Variants in CACHD1 observed in about 807,000 individuals in gnomAD.
The protein encoded by CACHD1 is cache domain containing 1, also known as VWFA and cache domain-containing protein 1.
CACHD1 carries 71 observed loss-of-function variants against 138.7 expected under a neutral mutation model. The observed-to-expected ratio is 0.51, with a 90% confidence interval of 0.42 to 0.62. The LOEUF (loss-of-function observed/expected upper bound fraction) is 0.62. Among genes scored for constraint, CACHD1 ranks in the 20% least tolerant of loss-of-function variants. CACHD1 has a pLI of 0.00. For missense variants in CACHD1, 1,389 were observed against 1,625.3 expected (o/e 0.85, Z 2.50); for synonymous variants, 578 against 591.5 (o/e 0.98, Z 0.33).
intron 1 of CACHD1, among the ~76,000 whole-genome samples, chr1:64,522,159 T>C (rs916516684): frequency 2.6e-5 from 4 of 152,178 alleles, no homozygotes; most frequent in African/African-American, 9.7e-5. Context: ...AACTTTATTC[T>C]TTTACATGTG....
intron 1 of CACHD1, among the ~76,000 whole-genome samples, chr1:64,494,357 G>A (rs1323672467): frequency 6.6e-6 from 1 of 152,120 alleles, no homozygotes; most frequent in East Asian, 1.9e-4. Flanking sequence ...TCCCTCCCCT[G>A]TTTTCTCTTA....
At chr1:64,510,317 A>C (rs927546359) in intron 1 of CACHD1, among the ~76,000 whole-genome samples, 1 of 152,152 alleles carries the variant, frequency 6.6e-6, no homozygotes, top group African/African-American at 2.4e-5. Flanking sequence ...CTAGGAGCCA[A>C]TGGGAGCTAC....
rs554801217 is a variant in CACHD1, at chr1:64,543,193, T to C, written c.199-7401T>C. Reference sequence around the variant, plus strand: ...TCTATTTTTCTTTTTAGTGGTAACCTTTTCCATACTCTTGGCAAACTATTT... The same window carrying C: ...TCTATTTTTCTTTTTAGTGGTAACCCTTTCCATACTCTTGGCAAACTATTT... On this transcript the variant is annotated intron_variant, in intron 1 of 26. Transcript: ENST00000651257. Among the ~76,000 whole-genome samples the C allele has an allele frequency of 4.6e-5, 7 of 151,830 alleles. No individual in the cohort carries two copies. In the East Asian group the frequency reaches 9.6e-4, roughly 21 times the overall value.
At chr1:64,533,176 T>TG (rs992044216) in intron 1 of CACHD1, among the ~76,000 whole-genome samples, 1 of 152,092 alleles carries the variant, frequency 6.6e-6, no homozygotes, top group African/African-American at 2.4e-5. Flanking sequence ...GTCAACATGG[T>TG]GAAACCCCGT....
At chr1:64,689,022 G>A (rs1045913474) in intron 26 of CACHD1, among the ~76,000 whole-genome samples, 3 of 152,058 alleles carry the variant, frequency 2.0e-5, no homozygotes, top group Admixed American at 2.0e-4. Context: ...CCTAAGGTAG[G>A]CCTCTCAGGA....
chr1:64,493,089 C>T (rs1227000721), intron 1 of CACHD1, among the ~76,000 whole-genome samples: 4 of 152,232 alleles, frequency 2.6e-5, no homozygotes, highest in Non-Finnish European at 4.4e-5. Context: ...ATATCTGTGT[C>T]ACAGAGCTGT....
intron 3 of CACHD1, among the ~76,000 whole-genome samples, chr1:64,589,449 C>T (rs1647079500): frequency 6.6e-6 from 1 of 151,946 alleles, no homozygotes; most frequent in African/African-American, 2.4e-5. Flanking sequence ...TAGATAGGGT[C>T]CTCCAAAGAA....
intron 1 of CACHD1, among the ~76,000 whole-genome samples, chr1:64,474,069 A>G (rs1268697104): frequency 1.3e-5 from 2 of 152,218 alleles, no homozygotes; most frequent in African/African-American, 4.8e-5. Context: ...CTTTTTAATA[A>G]TGGACAAAAT....
At chr1:64,643,565 G>A (rs1369408254) in intron 8 of CACHD1, among the ~76,000 whole-genome samples, 1 of 152,180 alleles carries the variant, frequency 6.6e-6, no homozygotes, top group Admixed American at 6.5e-5. Context: ...GACCGAGCTC[G>A]GTGGCTCATG....
intron 1 of CACHD1, among the ~76,000 whole-genome samples, chr1:64,486,350 G>GCACA (rs549032174): frequency 3.4e-4 from 42 of 123,370 alleles, no homozygotes; most frequent in African/African-American, 1.1e-3. Flanking sequence ...GAGAGCGCGC[G>GCACA]CACACACACA....
intron 1 of CACHD1, among the ~76,000 whole-genome samples, chr1:64,487,172 C>T (rs1646247525): frequency 6.6e-6 from 1 of 152,140 alleles, no homozygotes; most frequent in Non-Finnish European, 1.5e-5. Context: ...GGGTTTTAGG[C>T]ACAAGAGCAA....
intron 20 of CACHD1, 127 bp from the exon 21 acceptor site, chr1:64,675,770 G>T: frequency 1.4e-6 from 1 of 707,724 alleles, no homozygotes; most frequent in Non-Finnish European, 2.2e-6. Flanking sequence ...TTAACCTTTG[G>T]CTGTAACTTC....
Position 64,562,131 on chromosome 1 carries a change from A to G in CACHD1, c.261+11475A>G, listed in dbSNP as rs140355018. On this transcript the variant is annotated intron_variant, in intron 2 of 26. Coordinates refer to ENST00000651257, the MANE Select transcript of CACHD1 (RefSeq NM_020925.4). ...TGACTATGATTATGCCTCCCTAGAC[A>G]TAATGGTTTAAATATTGATTCTGCT... 1.2e-3 allele frequency among the ~76,000 whole-genome samples: 181 copies of G among 152,178 alleles called. 2 individuals are homozygous for G. Among genetic ancestry groups the G allele is most frequent in the African/African-American group, 3.9e-3 (164 of 41,548 alleles).
intron 6 of CACHD1, among the ~76,000 whole-genome samples, chr1:64,633,459 G>A (rs897619988): frequency 6.6e-6 from 1 of 152,094 alleles, no homozygotes; most frequent in African/African-American, 2.4e-5. Flanking sequence ...GAGGAGAGGG[G>A]TGGGAGATTT....
chr1:64,477,087 CTT>C (rs1646178278), intron 1 of CACHD1, among the ~76,000 whole-genome samples: 1 of 152,122 alleles, frequency 6.6e-6, no homozygotes, highest in South Asian at 2.1e-4. Context: ...TCACTCTGAA[CTT>C]TAGTGTCTTT....
chr1:64,576,275 C>T (rs1230687857), intron 2 of CACHD1, among the ~76,000 whole-genome samples: 1 of 152,200 alleles, frequency 6.6e-6, no homozygotes, highest in African/African-American at 2.4e-5. Flanking sequence ...TTGAGAATGT[C>T]TTTGTTTTCT....
intron 25 of CACHD1, 109 bp from the exon 26 acceptor site, chr1:64,681,896 C>T: frequency 2.1e-6 from 2 of 940,744 alleles, no homozygotes; most frequent in Non-Finnish European, 3.4e-6. Context: ...TTCTGGCTTT[C>T]CAAAGAGAAT....
intron 16 of CACHD1, among the ~76,000 whole-genome samples, chr1:64,668,368 T>C (rs1301536980): frequency 6.7e-6 from 1 of 149,072 alleles, no homozygotes; most frequent in Non-Finnish European, 1.5e-5. Flanking sequence ...AAAACCCAGG[T>C]TCAGCCAAAT....
intron 3 of CACHD1, among the ~76,000 whole-genome samples, chr1:64,589,994 C>T (rs1027007318): frequency 1.3e-5 from 2 of 152,036 alleles, no homozygotes; most frequent in African/African-American, 4.8e-5. Flanking sequence ...CCGTATTCTC[C>T]TACACAGCTT....
Sources: allele counts gnomAD v4.1 joint callset (sites outside exome capture counted in the v4.1 genomes callset), GRCh38; gene constraint gnomAD v4.1.1; transcripts MANE v1.5; gene names NCBI Gene and HGNC (gene_info 2026-07-23, HGNC 2026-07-21).